The following DDAH1 variants were observed in gnomAD, a reference collection of about 807,000 sequenced individuals.
The protein encoded by DDAH1 is N(G),N(G)-dimethylarginine dimethylaminohydrolase 1.
Under a neutral mutation model 28.8 loss-of-function variants are expected in DDAH1, and 19 were observed. The observed-to-expected ratio is 0.66, with a 90% CI of 0.46 to 0.97. DDAH1 has a LOEUF of 0.97. Ranked by LOEUF, DDAH1 falls within the 50% of genes least tolerant of loss-of-function variation. The pLI is 0.00. For missense variants in DDAH1, 326 were observed against 375.9 expected, an observed-to-expected ratio of 0.87 and a Z score of 1.10; for synonymous variants, 153 against 154.4, an observed-to-expected ratio of 0.99 and a Z score of 0.07.
At chr1:85,553,118 C>T (rs578075881) in intron 1 of DDAH1, among the ~76,000 whole-genome samples, 1 of 152,290 alleles carries the variant, frequency 6.6e-6, no homozygotes, top group Admixed American at 6.5e-5. Flanking sequence ...CCCAGGTGAG[C>T]TCACACTTCC....
chr1:85,547,723 T>G (rs1658670378), intron 1 of DDAH1, among the ~76,000 whole-genome samples: 1 of 152,218 alleles, frequency 6.6e-6, no homozygotes, highest in Non-Finnish European at 1.5e-5. Context: ...ATAGAGAGGT[T>G]TCTTTAAGAA....
intron 1 of DDAH1, among the ~76,000 whole-genome samples, chr1:85,441,254 A>G (rs1024644517): frequency 6.6e-6 from 1 of 152,198 alleles, no homozygotes; most frequent in Non-Finnish European, 1.5e-5. Context: ...GTAAGAAATC[A>G]GTTGCTGGCT....
chr1:85,555,097 G>A (rs186588831), intron 1 of DDAH1, among the ~76,000 whole-genome samples: 4 of 152,354 alleles, frequency 2.6e-5, no homozygotes, highest in African/African-American at 7.2e-5. Flanking sequence ...TTTGAGGGCA[G>A]GATCTGGGTA....
At chr1:85,517,787 G>A (rs1402049688) in intron 1 of DDAH1, among the ~76,000 whole-genome samples, 1 of 152,032 alleles carries the variant, frequency 6.6e-6, no homozygotes, top group Non-Finnish European at 1.5e-5. Flanking sequence ...ACAGAATAGC[G>A]CCCTCGGAGA....
At chr1:85,426,453 A>G (rs971411590) in intron 1 of DDAH1, among the ~76,000 whole-genome samples, 1 of 152,222 alleles carries the variant, frequency 6.6e-6, no homozygotes, top group Non-Finnish European at 1.5e-5. Flanking sequence ...ACGTTAATTG[A>G]ATTAATTTAT....
chr1:85,381,173 G>A (rs1650964337), intron 1 of DDAH1, among the ~76,000 whole-genome samples: 2 of 150,454 alleles, frequency 1.3e-5, no homozygotes, highest in African/African-American at 2.4e-5. Flanking sequence ...GGTGGAGGTT[G>A]CAGTGAGCCG....
intron 1 of DDAH1, among the ~76,000 whole-genome samples, chr1:85,556,353 C>G (rs138565315): frequency 3.3e-5 from 5 of 152,310 alleles, no homozygotes; most frequent in African/African-American, 1.2e-4. Context: ...ATTACTACAG[C>G]TAGGATTAAT....
At chr1:85,468,775 C>T (rs539750), upstream of DDAH1, among the ~76,000 whole-genome samples, 4,016 of 152,260 alleles carry the variant, frequency 0.026, 66 homozygotes, top group South Asian at 0.041. Context: ...GCCTCGGCCT[C>T]CCAAAGTGCT....
intron 1 of DDAH1, among the ~76,000 whole-genome samples, chr1:85,452,241 C>T (rs780385572): frequency 6.6e-5 from 10 of 152,162 alleles, no homozygotes; most frequent in Non-Finnish European, 1.2e-4. Context: ...CAAAGAATGG[C>T]AACAAAAGCT....
intron 1 of DDAH1, among the ~76,000 whole-genome samples, chr1:85,430,282 T>C (rs1299358038): frequency 1.3e-5 from 2 of 152,232 alleles, no homozygotes; most frequent in Admixed American, 1.3e-4. Flanking sequence ...ACTAGTACCA[T>C]GCTGTTTTGG....
At chr1:85,418,408 G>T (rs7547571) in intron 1 of DDAH1, among the ~76,000 whole-genome samples, 93,219 of 151,892 alleles carry the variant, frequency 0.61, 28,912 homozygotes, top group African/African-American at 0.69. Context: ...TTCTTTTTAT[G>T]TGTTTATTAT....
intron 2 of DDAH1, among the ~76,000 whole-genome samples, chr1:85,470,954 C>G (rs1378997934): frequency 6.6e-6 from 1 of 152,184 alleles, no homozygotes; most frequent in Non-Finnish European, 1.5e-5. Flanking sequence ...TCCTGGCCCT[C>G]CTACATTCTG....
At chr1:85,380,079 T>A (rs1004066128) in intron 1 of DDAH1, among the ~76,000 whole-genome samples, 1 of 152,234 alleles carries the variant, frequency 6.6e-6, no homozygotes, top group Admixed American at 6.5e-5. Context: ...TTCTTTTAAG[T>A]GTATGAAGTT....
intron 1 of DDAH1, among the ~76,000 whole-genome samples, chr1:85,500,998 ATATT>A (rs1656799923): frequency 6.6e-6 from 1 of 152,032 alleles, no homozygotes. Flanking sequence ...AATTTTAAAC[ATATT>A]TATAAGAGTT....
Position 85,524,939 on chromosome 1 carries a change from G to A in DDAH1, c.-122-28658C>T, listed in dbSNP as rs551404046. On this transcript the variant is annotated intron_variant, in intron 1 of 6. Transcript: ENST00000426972. ...AAGCAGATGGGGGGAAGTTGTCAGC[G>A]GCAAAGAATGGGCACCTACGGAGAA... 5.4e-5 allele frequency among the ~76,000 whole-genome samples: 4 copies of A among 73,602 alleles called. 1 individual carries two copies. Among genetic ancestry groups the A allele is most frequent in the African/African-American group, 1.1e-4 (3 of 28,502 alleles). The allele number at this position is 73,602 out of a possible 152,430, so 48.3% of individuals were successfully genotyped here.
Position 85,464,549 on chromosome 1 carries a change from A to C in DDAH1, c.303+194T>G. On this transcript the variant is annotated intron_variant, in intron 1 of 5. Transcript: ENST00000284031. This position sits in a 1 kb window ranked among gnomAD's most constrained non-coding sequence, Gnocchi z 4.4. ...TCGGATCCTCCAGAAGGCTGCCGGCAGCCGGGAGGTGTGAACAATGAACTT... is the reference window on the plus strand; with the variant it reads ...TCGGATCCTCCAGAAGGCTGCCGGCCGCCGGGAGGTGTGAACAATGAACTT... The C allele has an allele frequency of 6.6e-7, 1 of 1,514,354 alleles. No individual in the cohort carries two copies. Among genetic ancestry groups the C allele is most frequent in the Non-Finnish European group, 8.8e-7 (1 of 1,134,864 alleles). 93.8% of individuals were successfully genotyped at this position (1,514,354 alleles called of 1,614,324 possible).
chr1:85,545,309 G>T (rs1376721397), intron 1 of DDAH1, among the ~76,000 whole-genome samples: 1 of 152,220 alleles, frequency 6.6e-6, no homozygotes, highest in Non-Finnish European at 1.5e-5. Flanking sequence ...GCTATTAGCA[G>T]AGGAAAAGAA....
At chr1:85,456,160 C>T (rs948138638) in intron 1 of DDAH1, among the ~76,000 whole-genome samples, 3 of 152,110 alleles carry the variant, frequency 2.0e-5, no homozygotes, top group Admixed American at 6.6e-5. Flanking sequence ...CCAGTGTCTC[C>T]TGCCCCCAGG....
chr1:85,356,242 C>A (rs1557514023), intron 2 of DDAH1, among the ~76,000 whole-genome samples: 1 of 152,190 alleles, frequency 6.6e-6, no homozygotes, highest in Non-Finnish European at 1.5e-5. Context: ...AAGTTGCTGT[C>A]TATTTAAGAG....
Sources: allele counts gnomAD v4.1 joint callset (sites outside exome capture counted in the v4.1 genomes callset), GRCh38; gene constraint gnomAD v4.1.1; non-coding constraint Gnocchi (gnomAD v3.1); transcripts MANE v1.5; gene names NCBI Gene and HGNC (gene_info 2026-07-23, HGNC 2026-07-21).